The following QTMAN variants were observed in gnomAD, a reference collection of about 807,000 sequenced individuals.
QTMAN encodes the protein queuosine-tRNA mannosyltransferase, also known as tRNA-queuosine alpha-mannosyltransferase.
At chr2:144,034,993 AC>A in the QTMAN span, among the ~76,000 whole-genome samples, 3 of 152,224 alleles carry the variant, frequency 2.0e-5, no homozygotes, top group African/African-American at 7.2e-5. Flanking sequence ...TAGCATGGCA[AC>A]TAATATAGTT....
At chr2:144,301,220 T>G in the QTMAN span, among the ~76,000 whole-genome samples, 108 of 152,262 alleles carry the variant, frequency 7.1e-4, no homozygotes, top group African/African-American at 2.5e-3. Context: ...TGTCTTGTTT[T>G]TTTGTTTGTT....
chr2:144,184,066 G>A, the QTMAN span, among the ~76,000 whole-genome samples: 1 of 152,160 alleles, frequency 6.6e-6, no homozygotes, highest in Admixed American at 6.6e-5. Flanking sequence ...CAAAAGCTGG[G>A]ATAAGTTAGA....
chr2:144,288,134 G>T, the QTMAN span, among the ~76,000 whole-genome samples: 9,537 of 152,132 alleles, frequency 0.063, 377 homozygotes, highest in South Asian at 0.16. Context: ...CTCCCAAAGT[G>T]CTGGGATTAC....
chr2:144,225,551 T>C, the QTMAN span, among the ~76,000 whole-genome samples: 1 of 152,188 alleles, frequency 6.6e-6, no homozygotes, highest in African/African-American at 2.4e-5. Flanking sequence ...AGACACACTA[T>C]TACTCGAAAT....
At chr2:144,177,413 T>C in the QTMAN span, among the ~76,000 whole-genome samples, 1 of 152,118 alleles carries the variant, frequency 6.6e-6, no homozygotes, top group African/African-American at 2.4e-5. Context: ...TTAAAGAATA[T>C]TTTAAAATCT....
At chr2:144,283,953 G>T in the QTMAN span, among the ~76,000 whole-genome samples, 1,465 of 151,290 alleles carry the variant, frequency 9.7e-3, 16 homozygotes, top group African/African-American at 0.033. Context: ...GAAAATATAT[G>T]GAAAAAATTA....
chr2:144,060,610 A>G, the QTMAN span, among the ~76,000 whole-genome samples: 2 of 152,192 alleles, frequency 1.3e-5, no homozygotes, highest in Admixed American at 6.5e-5. Flanking sequence ...AGATCTTTAT[A>G]TCCTCATAAT....
At chr2:144,182,139 T>C in the QTMAN span, among the ~76,000 whole-genome samples, 1 of 152,316 alleles carries the variant, frequency 6.6e-6, no homozygotes, top group East Asian at 1.9e-4. Flanking sequence ...AAAACTGGCC[T>C]TTAACATTTC....
chr2:144,281,554 T>C, the QTMAN span, among the ~76,000 whole-genome samples: 1 of 152,022 alleles, frequency 6.6e-6, no homozygotes, highest in South Asian at 2.1e-4. Flanking sequence ...CCAAAATTCA[T>C]ATGTTGAAGC....
chr2:144,314,928 T>C, the QTMAN span, among the ~76,000 whole-genome samples: 1 of 152,114 alleles, frequency 6.6e-6, no homozygotes, highest in Non-Finnish European at 1.5e-5. Context: ...CTCTGTCGCC[T>C]AGGCTGGAGT....
At chr2:144,095,689 C>A in the QTMAN span, among the ~76,000 whole-genome samples, 3 of 152,074 alleles carry the variant, frequency 2.0e-5, no homozygotes, top group Admixed American at 1.3e-4. Context: ...AAATCTGATT[C>A]CTTATATATT....
At chr2:144,001,940 T>C in the QTMAN span, among the ~76,000 whole-genome samples, 1 of 151,932 alleles carries the variant, frequency 6.6e-6, no homozygotes, top group Non-Finnish European at 1.5e-5. Context: ...CATTTGACAG[T>C]AGTTTTCAAA....
the QTMAN span, among the ~76,000 whole-genome samples, chr2:144,294,851 G>A: frequency 6.6e-6 from 1 of 152,096 alleles, no homozygotes; most frequent in African/African-American, 2.4e-5. Context: ...TGGTTCCAAA[G>A]AAGAAAGGGA....
chr2:144,027,883 G>A, the QTMAN span, among the ~76,000 whole-genome samples: 9 of 152,090 alleles, frequency 5.9e-5, no homozygotes, highest in Non-Finnish European at 1.5e-5. Flanking sequence ...CTCGAGTTCT[G>A]GTTGGTGGAA....
chr2:144,118,389 G>GT, the QTMAN span, among the ~76,000 whole-genome samples: 1 of 152,116 alleles, frequency 6.6e-6, no homozygotes, highest in African/African-American at 2.4e-5. Flanking sequence ...ACTGTTGAAT[G>GT]TAAAGATTTA....
chr2:144,244,037 TG>T, the QTMAN span, among the ~76,000 whole-genome samples: 1 of 152,256 alleles, frequency 6.6e-6, no homozygotes, highest in Non-Finnish European at 1.5e-5. Flanking sequence ...ATCATGTGAA[TG>T]TTTTCCACTA....
chr2:144,088,712 C>T, the QTMAN span, among the ~76,000 whole-genome samples: 1 of 151,938 alleles, frequency 6.6e-6, no homozygotes, highest in African/African-American at 2.4e-5. Context: ...CAAGAACTTA[C>T]ATTGGGGAAA....
At chr2:144,141,427 A>G in the QTMAN span, among the ~76,000 whole-genome samples, 2 of 151,396 alleles carry the variant, frequency 1.3e-5, no homozygotes. Context: ...AAATAATTAA[A>G]AATAAAGAAA....
chr2:144,172,556 G>C, the QTMAN span, among the ~76,000 whole-genome samples: 6 of 146,400 alleles, frequency 4.1e-5, no homozygotes, highest in African/African-American at 7.6e-5. Flanking sequence ...CCTGGGAGCC[G>C]TAAGTTGCAG....
Sources: gnomAD v4.1 joint callset for allele counts (sites outside exome capture counted in the v4.1 genomes callset) on GRCh38, gnomAD v4.1.1 for gene constraint, MANE v1.5 for transcripts, NCBI Gene and HGNC (gene_info 2026-07-23, HGNC 2026-07-21) for gene names.